Variants in TMPO observed in about 807,000 individuals in gnomAD.
The protein encoded by TMPO is thymopoietin.
TMPO carries 22 observed loss-of-function variants against 45.4 expected under a neutral mutation model. The observed-to-expected ratio is 0.48, with a 90% CI of 0.35 to 0.69. The LOEUF is 0.69. TMPO is among the 30% of genes least tolerant of loss of function. The pLI is 0.01. For missense variants in TMPO, 512 were observed against 548.8 expected (o/e 0.93, Z 0.67); for synonymous variants, 241 against 204.1 (o/e 1.18, Z -1.54).
In TMPO at chr12:98,544,965, G is replaced by A; in HGVS notation, c.894G>A (p.Val298=). ...SSNESLVVNR[V]TGNFKHASPI... ...AATCTTGGCAGGTTGTCAATAGGGTGACTGGAAATTTCAAGCATGCATCTC... is the reference window on the plus strand; with the variant it reads ...AATCTTGGCAGGTTGTCAATAGGGTAACTGGAAATTTCAAGCATGCATCTC... Residue 298 remains valine (V), a synonymous_variant, in exon 7 of 9, where the codon GTG becomes GTA. Coordinates refer to ENST00000556029, the MANE Select transcript of TMPO (RefSeq NM_001032283.3). 6.2e-7 allele frequency: 1 copy of A among 1,612,602 alleles called. No homozygotes were observed. The highest frequency in any genetic ancestry group is 1.1e-5 in the South Asian group (1 of 91,028).
chr12:98,531,167 T>G (rs1209396181), intron 2 of TMPO, among the ~76,000 whole-genome samples: 1 of 151,514 alleles, frequency 6.6e-6, no homozygotes, highest in Non-Finnish European at 1.5e-5. Flanking sequence ...CTTGAACTGC[T>G]GACCTTAGGT....
At chr12:98,542,586 G>A (rs1171636364) in intron 4 of TMPO, among the ~76,000 whole-genome samples, 1 of 152,060 alleles carries the variant, frequency 6.6e-6, no homozygotes, top group Non-Finnish European at 1.5e-5. Context: ...CTCTGGCCAG[G>A]TGCAGTGGCT....
chr12:98,524,594 A>G (rs1484823754), intron 1 of TMPO, among the ~76,000 whole-genome samples: 1 of 149,908 alleles, frequency 6.7e-6, no homozygotes, highest in African/African-American at 2.5e-5. Flanking sequence ...AAAAAAAAAA[A>G]GAGTTAAGAT....
intron 1 of TMPO, chr12:98,516,635 A>G: frequency 2.6e-6 from 2 of 763,718 alleles, no homozygotes; most frequent in Non-Finnish European, 3.2e-6. Context: ...TGAAATGAGG[A>G]AATTCCCGCC....
chr12:98,539,697 C>T (rs1565814915), intron 4 of TMPO, among the ~76,000 whole-genome samples: 1 of 152,180 alleles, frequency 6.6e-6, no homozygotes, highest in African/African-American at 2.4e-5. Flanking sequence ...TGGTCTCGAA[C>T]TCCTGACCTC....
In TMPO at chr12:98,534,099, G is replaced by C. The variant is rs373227285; in HGVS notation, c.565+2261G>C. The stretch of plus-strand genomic sequence containing the variant: ...CAGATCCTAGTCGTACCCACCAAGC[G>C]CTTGGGATTCTGAGCAAAACATATG... On this transcript the variant is annotated intron_variant, in intron 3 of 8. Transcript: ENST00000556029. The C allele has an allele frequency of 4.3e-6, 7 of 1,612,838 alleles. No homozygotes were observed. In the South Asian group the frequency reaches 7.7e-5, roughly 18 times the overall value.
At chr12:98,536,651 A>AG (rs1877590442) in intron 3 of TMPO, among the ~76,000 whole-genome samples, 1 of 152,156 alleles carries the variant, frequency 6.6e-6, no homozygotes, top group Admixed American at 6.5e-5. Flanking sequence ...ATGCCCTGCC[A>AG]GGGATGTTAA....
chr12:98,526,753 A>T (rs1252777553), intron 1 of TMPO, among the ~76,000 whole-genome samples: 1 of 152,118 alleles, frequency 6.6e-6, no homozygotes, highest in Non-Finnish European at 1.5e-5. Flanking sequence ...AGGTCAAGAG[A>T]TCGAGACCAT....
At position 98,527,882 on chromosome 12, in the gene TMPO, A is replaced by T. The variant is rs1363248068; in HGVS notation, c.280-4A>T. The T allele has an allele frequency of 6.2e-7, 1 of 1,613,644 alleles. No homozygotes were observed. The highest frequency in any genetic ancestry group is 1.1e-5 in the South Asian group (1 of 91,066). On this transcript the variant is annotated splice_region_variant and splice_polypyrimidine_tract_variant and intron_variant, in intron 1 of 8. Coordinates refer to ENST00000556029, the MANE Select transcript of TMPO (RefSeq NM_001032283.3). ...TGGAAATGATTACTGGACTTTGTTT[A>T]CAGAAAGCCACAAAAAAAACTGATA...
At chr12:98,531,626 C>CTGCATCCTA (rs1401642398) in intron 2 of TMPO, 54 bp from the exon 3 acceptor site, 1 of 1,563,086 alleles carries the variant, frequency 6.4e-7, no homozygotes, top group African/African-American at 1.4e-5. Context: ...AGTGTCTGAG[C>CTGCATCCTA]TGCATCCTAA....
chr12:98,516,210 C>A (rs181272757), intron 1 of TMPO, 64 bp downstream of exon 1: 11 of 1,317,404 alleles, frequency 8.3e-6, no homozygotes, highest in Non-Finnish European at 1.1e-5. Context: ...CGCTCGCCGC[C>A]GTTTGCAGCC....
At chr12:98,519,948 C>T (rs982723078) in intron 1 of TMPO, among the ~76,000 whole-genome samples, 76 of 149,624 alleles carry the variant, frequency 5.1e-4, no homozygotes, top group Admixed American at 1.6e-3. Context: ...CTTTTTTTTT[C>T]TTTCTTTCTT....
At chr12:98,517,305 C>T (rs1222533088) in intron 1 of TMPO, among the ~76,000 whole-genome samples, 1 of 152,200 alleles carries the variant, frequency 6.6e-6, no homozygotes, top group East Asian at 1.9e-4. Context: ...TGTTTTGTTT[C>T]AGAATAGTTT....
rs1171012021 is a variant in TMPO at position 98,548,489 on chromosome 12, A to G, written c.*631A>G. The G allele has an allele frequency of 6.6e-6, 1 of 152,594 alleles. No individual in the cohort carries two copies. Among genetic ancestry groups the G allele is most frequent in the Non-Finnish European group, 1.5e-5 (1 of 68,086 alleles). The allele number at this position is 152,594 out of a possible 1,614,324, so 9.5% of individuals were successfully genotyped here. On this transcript the variant is annotated 3_prime_UTR_variant, in exon 9 of 9. Transcript: ENST00000556029. The stretch of plus-strand genomic sequence containing the variant: ...TGAAAGTCCTATTTCAGTAAGACCC[A>G]TTTACATACAGTAGATTTTTAGCAG...
Position 98,520,290 on chromosome 12 carries a change from CTTCCTTCCTTCCTTCCTTCT to C in TMPO, c.279+4145_279+4164del, listed in dbSNP as rs1876237112. 3.5e-5 allele frequency among the ~76,000 whole-genome samples: 5 copies of C among 144,394 alleles called. No individual in the cohort carries two copies. The South Asian group carries it at 1.1e-3, about 33-fold the overall frequency. 94.7% of individuals were successfully genotyped at this position (144,394 alleles called of 152,430 possible). On this transcript the variant is annotated intron_variant, in intron 1 of 8. Transcript: ENST00000556029. ...TATTTTTCCCTTCCTTCCTTCCTTC[CTTCCTTCCTTCCTTCCTTCT>C]GTGTGTGTGAGAGATGGAGTCTCAC...
chr12:98,535,220 T>TA (rs1877496839), intron 3 of TMPO: 2 of 983,890 alleles, frequency 2.0e-6, no homozygotes, highest in Non-Finnish European at 2.4e-6. Flanking sequence ...GCTTTCATGA[T>TA]ATATTGTATT....
Position 98,515,854 on chromosome 12 carries a change from C to T in TMPO, c.-14C>T. On this transcript the variant is annotated 5_prime_UTR_variant, in exon 1 of 9. Coordinates refer to ENST00000556029, the MANE Select transcript of TMPO (RefSeq NM_001032283.3). ...GGCAAAGGCTGTGGGGAGGGGGCTTCGCAGATCCCCGAGATGCCGGAGTTC... is the reference window on the plus strand; with the variant it reads ...GGCAAAGGCTGTGGGGAGGGGGCTTTGCAGATCCCCGAGATGCCGGAGTTC... 1.2e-6 allele frequency: 2 copies of T among 1,608,574 alleles called. No individual in the cohort carries two copies. Among genetic ancestry groups the T allele is most frequent in the African/African-American group, 1.3e-5 (1 of 74,712 alleles).
chr12:98,524,025 G>C (rs1307700646), intron 1 of TMPO, among the ~76,000 whole-genome samples: 7 of 152,180 alleles, frequency 4.6e-5, no homozygotes, highest in Non-Finnish European at 8.8e-5. Context: ...ATAAGAAATG[G>C]ATTTTCAAAA....
In TMPO at chr12:98,534,052, C is replaced by G. The variant is rs17459334; in HGVS notation, c.565+2214C>G. The G allele has an allele frequency of 0.092, 147,612 of 1,608,298 alleles. 7,749 individuals carry two copies. The highest frequency in any genetic ancestry group is 0.16 in the South Asian group (14,388 of 90,950). Reference sequence around the variant, plus strand: ...TAAGGCTATGCAGGCAGACATTAGTCAAGCTGCACAGATTCTTAGCTCAGA... The same window carrying G: ...TAAGGCTATGCAGGCAGACATTAGTGAAGCTGCACAGATTCTTAGCTCAGA... On this transcript the variant is annotated intron_variant, in intron 3 of 8. Coordinates refer to ENST00000556029, the MANE Select transcript of TMPO (RefSeq NM_001032283.3).
Sources: allele counts gnomAD v4.1 joint callset (sites outside exome capture counted in the v4.1 genomes callset), GRCh38; gene constraint gnomAD v4.1.1; transcripts MANE v1.5; gene names NCBI Gene and HGNC (gene_info 2026-07-23, HGNC 2026-07-21).